Variants in RASSF3 observed in about 807,000 individuals in gnomAD.
RASSF3 encodes the protein Ras association domain family member 3.
A neutral mutation model predicts 19.9 loss-of-function variants in RASSF3; 19 were observed. The observed-to-expected ratio is 0.96, with a 90% CI of 0.67 to 1.40. The LOEUF (loss-of-function observed/expected upper bound fraction) is 1.40, where lower values mean the gene tolerates loss of function less well. Ranked by LOEUF, RASSF3 falls within the 40% of genes most tolerant of loss-of-function variation. The probability of loss-of-function intolerance (pLI) is 0.00; values close to 1 mark genes in which losing one functional copy is unlikely to be tolerated. For synonymous variants in RASSF3, 110 were observed against 104.2 expected, an observed-to-expected ratio of 1.06 and a Z score of -0.34; for missense variants, 306 against 289.8, an observed-to-expected ratio of 1.06 and a Z score of -0.41.
At chr12:64,675,915 TA>T (rs879786267) in intron 1 of RASSF3, among the ~76,000 whole-genome samples, 408 of 144,584 alleles carry the variant, frequency 2.8e-3, no homozygotes, top group Admixed American at 3.6e-3. Flanking sequence ...TCCTGCCATT[TA>T]AAAAAAAAAA....
rs568006027 is a variant in RASSF3, at chr12:64,684,004, G to A, written c.112-783G>A. ...AGGGAGAGAAGGAGAGAGAGAGAGA[G>A]AGAGAGTGAGTGTGTGTGTGTGTGT... is the stretch of plus-strand genomic sequence containing the variant. On this transcript the variant is annotated intron_variant, in intron 1 of 4. Coordinates refer to ENST00000542104, the MANE Select transcript of RASSF3 (RefSeq NM_178169.4). Among the ~76,000 whole-genome samples, 6 of 89,992 alleles carry A rather than the reference G, an allele frequency of 6.7e-5. No individual in the cohort carries two copies. The South Asian group carries it at 2.7e-3, about 41-fold the overall frequency. 59.0% of individuals were successfully genotyped at this position (89,992 alleles called of 152,430 possible). A position where few individuals can be genotyped will look rare whatever the true frequency, so the allele number is the denominator to read the frequency against.
At chr12:64,539,328 A>C (rs917879842) in intron 1 of RASSF3, among the ~76,000 whole-genome samples, 1 of 152,178 alleles carries the variant, frequency 6.6e-6, no homozygotes, top group African/African-American at 2.4e-5. Context: ...TGATGGCCTC[A>C]TCTAATCCTA....
At chr12:64,607,725 C>T (rs1870218708), upstream of RASSF3, among the ~76,000 whole-genome samples, 1 of 151,916 alleles carries the variant, frequency 6.6e-6, no homozygotes, top group African/African-American at 2.4e-5. Context: ...GCTTCCATTT[C>T]ATTATTTGAT....
rs371764385 is a variant in RASSF3 at position 64,596,877 on chromosome 12, G to A, written c.294+55172G>A. ...CCCAAGTAGCTGGGATTACAGGCAT[G>A]TGCCACCACACCCGGTTAATTTTGT... is the stretch of plus-strand genomic sequence containing the variant. On this transcript the variant is annotated intron_variant, in intron 2 of 5. Coordinates refer to the RASSF3 transcript ENST00000637125. Among the ~76,000 whole-genome samples, 74 of 152,130 alleles carry A rather than the reference G, an allele frequency of 4.9e-4. No homozygotes were observed. The South Asian group carries it at 0.015, about 31-fold the overall frequency.
At chr12:64,556,988 C>T (rs1385367554) in intron 2 of RASSF3, among the ~76,000 whole-genome samples, 1 of 152,030 alleles carries the variant, frequency 6.6e-6, no homozygotes, top group Non-Finnish European at 1.5e-5. Context: ...AGGCGTGCGC[C>T]ACCATGCCTG....
chr12:64,542,996 T>C, downstream of RASSF3, among the ~76,000 whole-genome samples: 1 of 145,356 alleles, frequency 6.9e-6, no homozygotes. Context: ...GGCGTGGGCT[T>C]GGCGGGGCCC....
At chr12:64,567,789 C>G (rs74100503) in intron 2 of RASSF3, among the ~76,000 whole-genome samples, 1,805 of 152,352 alleles carry the variant, frequency 0.012, 31 homozygotes, top group African/African-American at 0.041. Flanking sequence ...CACACCAGAG[C>G]TGCCTCTGCA....
chr12:64,553,065 C>T (rs527472308), intron 2 of RASSF3, among the ~76,000 whole-genome samples: 32 of 152,244 alleles, frequency 2.1e-4, no homozygotes, highest in African/African-American at 6.7e-4. Context: ...AAAAATTAGC[C>T]GGGTGTGGTG....
chr12:64,636,457 G>A (rs1229942031), intron 1 of RASSF3, among the ~76,000 whole-genome samples: 4 of 151,996 alleles, frequency 2.6e-5, no homozygotes, highest in East Asian at 1.9e-4. Context: ...AGTAGGCTTC[G>A]GAAATTTGTT....
At chr12:64,532,727 T>G (rs1432661441), upstream of RASSF3, among the ~76,000 whole-genome samples, 2 of 151,892 alleles carry the variant, frequency 1.3e-5, no homozygotes, top group East Asian at 3.9e-4. Context: ...TCCCAGCTAC[T>G]TGGGAGGCTG....
chr12:64,661,395 G>A (rs1206269902), intron 1 of RASSF3, among the ~76,000 whole-genome samples: 1 of 152,120 alleles, frequency 6.6e-6, no homozygotes, highest in Non-Finnish European at 1.5e-5. Context: ...TGAGATGGGA[G>A]GATCACTTGA....
At chr12:64,601,327 C>T (rs2136145813) in intron 2 of RASSF3, among the ~76,000 whole-genome samples, 1 of 152,196 alleles carries the variant, frequency 6.6e-6, no homozygotes, top group South Asian at 2.1e-4. Flanking sequence ...AGAAACCATT[C>T]TAGTAGTTAT....
At chr12:64,590,051 C>T (rs1342382175) in intron 2 of RASSF3, among the ~76,000 whole-genome samples, 1 of 130,312 alleles carries the variant, frequency 7.7e-6, no homozygotes, top group East Asian at 2.1e-4. Context: ...AGCAAAGTGG[C>T]AGAACTCTTA....
Position 64,639,074 on chromosome 12 carries a change from G to C in RASSF3, c.111+28331G>C, listed in dbSNP as rs73319695. On this transcript the variant is annotated intron_variant, in intron 1 of 4. Coordinates refer to ENST00000542104, the MANE Select transcript of RASSF3 (RefSeq NM_178169.4). ...TCATGTTCATAGGCTACTGCCATAC[G>C]CAGATTCTTCAGTTCTCTCTTTGAA... 7.5e-3 allele frequency among the ~76,000 whole-genome samples: 1,138 copies of C among 152,284 alleles called. 18 individuals carry two copies. Among genetic ancestry groups the C allele is most frequent in the African/African-American group, 0.026 (1,093 of 41,544 alleles).
intron 1 of RASSF3, among the ~76,000 whole-genome samples, chr12:64,516,466 A>G (rs947875909): frequency 2.0e-5 from 3 of 151,140 alleles, no homozygotes; most frequent in African/African-American, 7.3e-5. Context: ...AAAAATACAA[A>G]AAATTAGCCG....
rs7303038 is a variant in RASSF3, at chr12:64,510,107, A to T, written c.169+2778A>T. Among the ~76,000 whole-genome samples, 323 of 149,642 alleles carry T rather than the reference A, an allele frequency of 2.2e-3. 1 individual carries two copies. Among genetic ancestry groups the T allele is most frequent in the Admixed American group, 3.3e-3 (50 of 14,980 alleles). ...CTCCATCTCAAAAAAAAAAAAAAAA[A>T]TTTCTGTTGAAATATTACTCTATCA... On this transcript the variant is annotated intron_variant, in intron 1 of 5. Transcript: ENST00000637125.
intron 1 of RASSF3, among the ~76,000 whole-genome samples, chr12:64,683,635 T>A (rs573986793): frequency 6.6e-6 from 1 of 152,198 alleles, no homozygotes; most frequent in Non-Finnish European, 1.5e-5. Context: ...TTAATACTGA[T>A]TAACTGCTGT....
chr12:64,650,705 G>A (rs1367506221), intron 1 of RASSF3, among the ~76,000 whole-genome samples: 1 of 151,976 alleles, frequency 6.6e-6, no homozygotes, highest in African/African-American at 2.4e-5. Flanking sequence ...GTGAGCCACC[G>A]CGCCTGGCCG....
chr12:64,600,959 G>T (rs1870082079), intron 2 of RASSF3, among the ~76,000 whole-genome samples: 2 of 151,984 alleles, frequency 1.3e-5, no homozygotes, highest in African/African-American at 4.8e-5. Flanking sequence ...CCCAAAACAG[G>T]GTCATATTCT....
Sources: gnomAD v4.1 joint callset for allele counts (sites outside exome capture counted in the v4.1 genomes callset) on GRCh38, gnomAD v4.1.1 for gene constraint, MANE v1.5 for transcripts, NCBI Gene and HGNC (gene_info 2026-07-23, HGNC 2026-07-21) for gene names.